Variants in CFAP54 observed in about 807,000 individuals in gnomAD.
The protein encoded by CFAP54 is cilia- and flagella-associated protein 54.
In CFAP54, 290 loss-of-function variants were observed where a neutral mutation model predicts 370.4. That is an observed-to-expected ratio of 0.78 (90% confidence interval 0.71 to 0.86). The LOEUF is 0.86. CFAP54 is among the 40% of genes least tolerant of loss of function. The pLI is 0.00. For missense variants in CFAP54, 3,399 were observed against 3,528.7 expected, an observed-to-expected ratio of 0.96 and a Z score of 0.93; for synonymous variants, 1,206 against 1,236.5, an observed-to-expected ratio of 0.98 and a Z score of 0.52.
chr12:96,847,661 C>A (rs1959398351), intron 66 of CFAP54, among the ~76,000 whole-genome samples: 1 of 152,236 alleles, frequency 6.6e-6, no homozygotes, highest in African/African-American at 2.4e-5. Flanking sequence ...TATCCTGTCT[C>A]ATGGAGGTGC....
At chr12:96,829,236 A>G in intron 66 of CFAP54, 148 bp downstream of exon 66, 1 of 473,512 alleles carries the variant, frequency 2.1e-6, no homozygotes, top group Non-Finnish European at 3.7e-6. Flanking sequence ...GTTTACAATA[A>G]CACATTATTT....
intron 60 of CFAP54, among the ~76,000 whole-genome samples, chr12:96,777,306 A>G (rs980858051): frequency 3.9e-5 from 6 of 151,906 alleles, no homozygotes; most frequent in Admixed American, 3.9e-4. Context: ...AAGGGTCAGT[A>G]GTTAATAACA....
intron 67 of CFAP54, among the ~76,000 whole-genome samples, chr12:96,868,483 T>A (rs1186135992): frequency 6.6e-6 from 1 of 151,182 alleles, no homozygotes; most frequent in African/African-American, 2.4e-5. Context: ...GAATACAAAC[T>A]GTTTTTATAT....
At chr12:96,722,187 C>T (rs762551200) in intron 50 of CFAP54, among the ~76,000 whole-genome samples, 4 of 152,214 alleles carry the variant, frequency 2.6e-5, no homozygotes, top group Non-Finnish European at 1.5e-5. Flanking sequence ...TTTCTCCATA[C>T]ATTTTCCCAC....
chr12:96,768,822 A>C (rs756931316), intron 60 of CFAP54, among the ~76,000 whole-genome samples: 1 of 152,204 alleles, frequency 6.6e-6, no homozygotes, highest in Admixed American at 6.5e-5. Flanking sequence ...TGAGTTAATT[A>C]AGAGCGTTGT....
chr12:96,588,938 T>G (rs1484034743), intron 22 of CFAP54, among the ~76,000 whole-genome samples: 1 of 152,242 alleles, frequency 6.6e-6, no homozygotes, highest in Non-Finnish European at 1.5e-5. Context: ...TTCTATACTC[T>G]TTTCAGCTCG....
chr12:96,840,336 A>T (rs1344902844), intron 66 of CFAP54, among the ~76,000 whole-genome samples: 1 of 152,140 alleles, frequency 6.6e-6, no homozygotes. Flanking sequence ...TACCCTATTG[A>T]TGTGGAAGAG....
chr12:96,817,093 G>A (rs759880429), intron 64 of CFAP54, among the ~76,000 whole-genome samples: 3 of 152,224 alleles, frequency 2.0e-5, no homozygotes, highest in Admixed American at 2.0e-4. Context: ...GATAGTCAGA[G>A]CATGGCATTA....
intron 26 of CFAP54, among the ~76,000 whole-genome samples, chr12:96,607,507 A>G (rs909836152): frequency 6.6e-5 from 10 of 152,218 alleles, no homozygotes; most frequent in Non-Finnish European, 1.3e-4. Context: ...CTGAAAGCTC[A>G]AGAAATACCC....
intron 36 of CFAP54, among the ~76,000 whole-genome samples, chr12:96,654,361 C>T (rs927097949): frequency 1.4e-4 from 21 of 151,860 alleles, no homozygotes; most frequent in Non-Finnish European, 1.5e-5. Flanking sequence ...ATTAGCCGGG[C>T]GTAGTGGCGG....
chr12:96,538,574 G>A (rs1238322540), intron 13 of CFAP54, 56 bp downstream of exon 13: 2 of 1,503,982 alleles, frequency 1.3e-6, no homozygotes, highest in Non-Finnish European at 1.8e-6. Context: ...TATTCAAGTT[G>A]CCACACACAT....
chr12:96,812,454 G>T (rs1958937132), intron 64 of CFAP54, among the ~76,000 whole-genome samples: 1 of 151,934 alleles, frequency 6.6e-6, no homozygotes, highest in Non-Finnish European at 1.5e-5. Flanking sequence ...TTTCCCTGTT[G>T]TTGTTTTTTC....
At chr12:96,590,698 GAA>G (rs1367338547) in intron 23 of CFAP54, among the ~76,000 whole-genome samples, 1 of 152,222 alleles carries the variant, frequency 6.6e-6, no homozygotes, top group Admixed American at 6.5e-5. Flanking sequence ...GGATAAGAGA[GAA>G]AGGAGTGAAA....
At chr12:96,588,397 T>C (rs1445517831) in intron 22 of CFAP54, among the ~76,000 whole-genome samples, 2 of 152,234 alleles carry the variant, frequency 1.3e-5, no homozygotes, top group Non-Finnish European at 2.9e-5. Context: ...TATTATGTTA[T>C]TCTTTGTAGT....
chr12:96,670,902 A>G (rs1957137885), intron 39 of CFAP54, among the ~76,000 whole-genome samples: 1 of 152,212 alleles, frequency 6.6e-6, no homozygotes, highest in African/African-American at 2.4e-5. Flanking sequence ...TGTCTGACTA[A>G]TGAGCTCATC....
chr12:96,661,204 C>T (rs778668938), intron 38 of CFAP54, among the ~76,000 whole-genome samples: 9 of 152,088 alleles, frequency 5.9e-5, no homozygotes, highest in Non-Finnish European at 1.3e-4. Flanking sequence ...CTTATCCTGC[C>T]GTGGTCTTTC....
chr12:96,505,850 G>GA (rs140001413), intron 3 of CFAP54, among the ~76,000 whole-genome samples: 64,100 of 151,794 alleles, frequency 0.42, 14,034 homozygotes, highest in South Asian at 0.46. Context: ...CATGAGCCTG[G>GA]TGCATGAGCC....
At chr12:96,705,698 G>A (rs1235849046) in intron 47 of CFAP54, among the ~76,000 whole-genome samples, 4 of 152,214 alleles carry the variant, frequency 2.6e-5, no homozygotes, top group Non-Finnish European at 4.4e-5. Context: ...GTTTCTATTA[G>A]CTAGTTAGTT....
chr12:96,601,047 A>G (rs1227640400), intron 26 of CFAP54, among the ~76,000 whole-genome samples: 1 of 152,164 alleles, frequency 6.6e-6, no homozygotes, highest in African/African-American at 2.4e-5. Flanking sequence ...TGCTTTTCAA[A>G]GGGAATGCTT....
Sources: gnomAD v4.1 joint callset for allele counts (sites outside exome capture counted in the v4.1 genomes callset) on GRCh38, gnomAD v4.1.1 for gene constraint, MANE v1.5 for transcripts, NCBI Gene and HGNC (gene_info 2026-07-23, HGNC 2026-07-21) for gene names.